Variants in UTP20 observed in about 807,000 individuals in gnomAD.
UTP20 encodes the protein UTP20 small subunit processome component.
In UTP20, 164 loss-of-function variants were observed where a neutral mutation model predicts 329.5. The ratio of observed to expected loss-of-function variants is 0.50; its 90% CI spans 0.44 to 0.57. The LOEUF (loss-of-function observed/expected upper bound fraction) is 0.57. Among genes scored for constraint, UTP20 ranks in the 20% least tolerant of loss-of-function variants. UTP20 has a pLI of 0.00. For synonymous variants in UTP20, 1,151 were observed against 1,159.3 expected (o/e 0.99, Z 0.14); for missense variants, 3,055 against 3,284.2 (o/e 0.93, Z 1.71).
At chr12:101,365,752 T>C in intron 46 of UTP20, 127 bp downstream of exon 46, 1 of 679,510 alleles carries the variant, frequency 1.5e-6, no homozygotes, top group Non-Finnish European at 2.2e-6. Flanking sequence ...AGATGGTACT[T>C]TATGGTGTGA....
rs369418489 is a variant in UTP20, at chr12:101,286,372, T to C, written c.378T>C (p.Phe126=). 1.9e-6 allele frequency: 3 copies of C among 1,613,854 alleles called. No individual in the cohort carries two copies. The highest frequency in any genetic ancestry group is 2.7e-5 in the African/African-American group (2 of 74,992). ...TGCAGATGGATTTCTACCCACACTT[T>C]CCAGAGTTTTTTTTGACTATCACCT... is the stretch of plus-strand genomic sequence containing the variant. ...RDLQMDFYPH[F]PEFFLTITSI... is the part of the protein sequence containing the mutation. The change falls in exon 5 of 62, where the codon TTT becomes TTC. Residue 126 remains phenylalanine (F), a synonymous_variant. Transcript: ENST00000261637.
At chr12:101,384,540 C>G (rs1296151132) in intron 60 of UTP20, among the ~76,000 whole-genome samples, 1 of 152,116 alleles carries the variant, frequency 6.6e-6, no homozygotes, top group Non-Finnish European at 1.5e-5. Flanking sequence ...GATACTGTCT[C>G]AAAAGAAAGA....
rs758267087 is a variant in UTP20, at chr12:101,312,242, A to G, written c.2518A>G (p.Arg840Gly). 1.2e-6 allele frequency: 2 copies of G among 1,614,236 alleles called. No individual in the cohort carries two copies. Among genetic ancestry groups the G allele is most frequent in the Non-Finnish European group, 1.7e-6 (2 of 1,180,032 alleles). ...KFPERVEPRS[R>G]ELSPLFLRFI... ...CCCAGAAAGAGTAGAGCCACGGTCC[A>G]GGGAGCTTTCCCCGCTTTTCTTGAG... is the stretch of plus-strand genomic sequence containing the variant. Residue 840 changes from arginine (R) to glycine (G), a missense_variant, in exon 21 of 62, where the codon AGG becomes GGG. Transcript: ENST00000261637.
chr12:101,334,608 A>G, intron 29 of UTP20, 104 bp downstream of exon 29: 1 of 889,348 alleles, frequency 1.1e-6, no homozygotes, highest in East Asian at 2.7e-5. Flanking sequence ...CTTTCCATAC[A>G]GTGAACTACT....
In UTP20 at chr12:101,321,607, G is replaced by T; in HGVS notation, c.3019G>T (p.Asp1007Tyr). 2 of 1,613,506 alleles carry T rather than the reference G, an allele frequency of 1.2e-6. No individual in the cohort carries two copies. Among genetic ancestry groups the T allele is most frequent in the South Asian group, 1.1e-5 (1 of 91,058 alleles). ...TGTAGTGAAAACAGCCCACCGAGCAGATCTATTTCCTATTCTGATGAGGTA... is the reference window on the plus strand; with the variant it reads ...TGTAGTGAAAACAGCCCACCGAGCATATCTATTTCCTATTCTGATGAGGTA... ...NAVVKTAHRA[D>Y]LFPILMRILY... Residue 1007 changes from aspartate to tyrosine, a missense_variant, in exon 25 of 62, where the codon GAT becomes TAT. Asp to Tyr is a radical substitution (Grantham distance 160). This residue lies in a region of UTP20 where 2,445 missense variants were observed against 2,575.5 expected (regional missense o/e 0.95). Coordinates refer to ENST00000261637, the MANE Select transcript of UTP20 (RefSeq NM_014503.3).
intron 5 of UTP20, among the ~76,000 whole-genome samples, 153 bp from the exon 6 acceptor site, chr12:101,288,807 G>A (rs1479556959): frequency 6.6e-6 from 1 of 152,176 alleles, no homozygotes; most frequent in Non-Finnish European, 1.5e-5. Flanking sequence ...ACATGTGGGT[G>A]TCTCCATAAA....
intron 29 of UTP20, among the ~76,000 whole-genome samples, chr12:101,335,276 A>G (rs534224065): frequency 1.7e-5 from 2 of 118,246 alleles, no homozygotes; most frequent in South Asian, 2.8e-4. Flanking sequence ...GCTAAAACTA[A>G]TACTTTTTAA....
chr12:101,346,342 A>G, intron 37 of UTP20, 109 bp from the exon 38 acceptor site: 1 of 1,337,014 alleles, frequency 7.5e-7, no homozygotes, highest in East Asian at 2.6e-5. Flanking sequence ...GAGCCACCGC[A>G]CCTGGCCACT....
chr12:101,322,124 G>A (rs1868386306), intron 25 of UTP20, among the ~76,000 whole-genome samples: 1 of 152,106 alleles, frequency 6.6e-6, no homozygotes, highest in Admixed American at 6.6e-5. Flanking sequence ...TGAGTAGCTG[G>A]GATCACAAGC....
At chr12:101,317,757 A>G (rs1055662834) in intron 22 of UTP20, 94 bp downstream of exon 22, 12 of 1,284,110 alleles carry the variant, frequency 9.3e-6, no homozygotes, top group Non-Finnish European at 1.3e-5. Flanking sequence ...AACTACTCAG[A>G]TAATTATTTA....
At chr12:101,368,586 T>G (rs1870176459) in intron 48 of UTP20, among the ~76,000 whole-genome samples, 1 of 152,168 alleles carries the variant, frequency 6.6e-6, no homozygotes, top group Non-Finnish European at 1.5e-5. Flanking sequence ...CACTGGATCC[T>G]CACAACTTCA....
At chr12:101,289,486 C>G (rs1461475566) in intron 6 of UTP20, among the ~76,000 whole-genome samples, 1 of 152,000 alleles carries the variant, frequency 6.6e-6, no homozygotes, top group East Asian at 1.9e-4. Flanking sequence ...CTAATTTTTT[C>G]TATGTATCTA....
At chr12:101,312,329 G>A (rs1035225629) in intron 21 of UTP20, 53 bp downstream of exon 21, 1 of 1,594,752 alleles carries the variant, frequency 6.3e-7, no homozygotes, top group Non-Finnish European at 8.5e-7. Context: ...AGAAGAGAAT[G>A]TGAGAAGTAT....
Position 101,290,892 on chromosome 12 carries a change from A to C in UTP20, c.891+4A>C. ...TACATTTTTTGAATGTTTGCAAGTG[A>C]GTTCTAATCTTTAAGGATGGGTTTT... On this transcript the variant is annotated splice_donor_region_variant and intron_variant, in intron 8 of 61. Transcript: ENST00000261637. The C allele has an allele frequency of 6.2e-7, 1 of 1,607,964 alleles. No individual in the cohort carries two copies. Among genetic ancestry groups the C allele is most frequent in the South Asian group, 1.1e-5 (1 of 89,222 alleles).
intron 46 of UTP20, among the ~76,000 whole-genome samples, chr12:101,365,896 G>A (rs1052841016): frequency 3.3e-5 from 5 of 152,150 alleles, no homozygotes; most frequent in African/African-American, 7.2e-5. Flanking sequence ...TCTGTATCTT[G>A]TATTTTGATT....
At chr12:101,327,351 G>T (rs1352277971) in intron 26 of UTP20, 104 bp downstream of exon 26, 17 of 1,180,550 alleles carry the variant, frequency 1.4e-5, no homozygotes, top group Non-Finnish European at 1.9e-5. Flanking sequence ...TAACAGGGTT[G>T]TTCCTCCCAA....
chr12:101,310,885 G>T, intron 19 of UTP20, among the ~76,000 whole-genome samples: 1 of 152,122 alleles, frequency 6.6e-6, no homozygotes, highest in Non-Finnish European at 1.5e-5. Context: ...AAACCAGTGT[G>T]CCAAAAGCAA....
At chr12:101,365,397 T>G (rs946864303) in intron 45 of UTP20, 62 bp from the exon 46 acceptor site, 4 of 1,292,918 alleles carry the variant, frequency 3.1e-6, no homozygotes, top group Non-Finnish European at 4.2e-6. Flanking sequence ...AAAACTGCCA[T>G]TATGACAAAT....
At chr12:101,281,016 C>T in intron 1 of UTP20, 100 bp from the exon 2 acceptor site, 1 of 966,594 alleles carries the variant, frequency 1.0e-6, no homozygotes, top group Non-Finnish European at 1.5e-6. Flanking sequence ...TTCCACTTAT[C>T]CTTTGTGATT....
Sources: gnomAD v4.1 joint callset for allele counts (sites outside exome capture counted in the v4.1 genomes callset) on GRCh38, gnomAD v4.1.1 for gene constraint, gnomAD v4.1.1 regional missense constraint, MANE v1.5 for transcripts, NCBI Gene and HGNC (gene_info 2026-07-23, HGNC 2026-07-21) for gene names.